Variants in VPS13C observed in about 807,000 individuals in gnomAD.
The protein encoded by VPS13C is vacuolar protein sorting 13 homolog C.
In VPS13C, 358 loss-of-function variants were observed where a neutral mutation model predicts 456.8. The ratio of observed to expected loss-of-function variants is 0.78; its 90% CI spans 0.72 to 0.86. The LOEUF (loss-of-function observed/expected upper bound fraction) is 0.86, where lower values mean the gene tolerates loss of function less well. Ranked by LOEUF, VPS13C falls within the 40% of genes least tolerant of loss-of-function variation. The pLI is 0.00. For missense variants in VPS13C, 4,818 were observed against 4,385.4 expected (o/e 1.10, Z -2.79); for synonymous variants, 1,578 against 1,486.7 (o/e 1.06, Z -1.41).
Position 61,971,907 on chromosome 15 carries a change from T to C in VPS13C, c.2757+718A>G, listed in dbSNP as rs145918415. Among the ~76,000 whole-genome samples, 358 of 152,330 alleles carry C rather than the reference T, an allele frequency of 2.4e-3. 2 individuals carry two copies. Among genetic ancestry groups the C allele is most frequent in the African/African-American group, 8.2e-3 (341 of 41,574 alleles). On this transcript the variant is annotated intron_variant, in intron 27 of 84. Transcript: ENST00000644861. ...TATATTTTAGGACATGCTCTCACTA[T>C]GGCACATGAAACAGTCAATAAGGAA... is the stretch of plus-strand genomic sequence containing the variant.
intron 63 of VPS13C, 147 bp downstream of exon 63, chr15:61,911,693 T>C: frequency 9.8e-6 from 8 of 815,842 alleles, no homozygotes; most frequent in Non-Finnish European, 1.4e-5. Context: ...TTTAAAAATA[T>C]AGTAAGAGAA....
At chr15:62,048,658 A>C (rs1376035085) in intron 1 of VPS13C, among the ~76,000 whole-genome samples, 1 of 152,108 alleles carries the variant, frequency 6.6e-6, no homozygotes, top group East Asian at 1.9e-4. Flanking sequence ...TTCTAGTTCT[A>C]GATCCCTGAG....
At chr15:61,878,906 A>G (rs1895658121) in intron 73 of VPS13C, among the ~76,000 whole-genome samples, 160 bp from the exon 74 acceptor site, 1 of 152,108 alleles carries the variant, frequency 6.6e-6, no homozygotes, top group Non-Finnish European at 1.5e-5. Context: ...CAACCCACTT[A>G]CATTTGATTC....
intron 1 of VPS13C, among the ~76,000 whole-genome samples, chr15:62,055,733 T>C (rs2048771682): frequency 6.6e-6 from 1 of 152,188 alleles, no homozygotes; most frequent in Admixed American, 6.5e-5. Context: ...GATATCAATT[T>C]CTCTCTCGAA....
chr15:61,865,776 A>C (rs1017019079), intron 81 of VPS13C: 2 of 731,524 alleles, frequency 2.7e-6, no homozygotes, highest in Non-Finnish European at 3.3e-6. Flanking sequence ...GTGTGTATAT[A>C]TGTATGTGTA....
intron 16 of VPS13C, among the ~76,000 whole-genome samples, chr15:61,998,749 T>C (rs1046741175): frequency 1.2e-4 from 19 of 152,266 alleles, no homozygotes; most frequent in Middle Eastern, 6.8e-3. Context: ...GAGATGACCC[T>C]TGAACAACAT....
At chr15:61,913,014 TA>T (rs2043349920) in intron 62 of VPS13C, among the ~76,000 whole-genome samples, 2 of 150,714 alleles carry the variant, frequency 1.3e-5, no homozygotes, top group South Asian at 4.3e-4. Flanking sequence ...TGGCGATCAT[TA>T]AAAAGTCAGG....
intron 49 of VPS13C, among the ~76,000 whole-genome samples, chr15:61,931,617 G>T (rs1179425834): frequency 7.0e-6 from 1 of 143,242 alleles, no homozygotes; most frequent in Non-Finnish European, 1.5e-5. Flanking sequence ...TCGCTCTGTC[G>T]CCCAGGCTGG....
intron 64 of VPS13C, among the ~76,000 whole-genome samples, chr15:61,909,787 A>C (rs2043249724): frequency 6.6e-6 from 1 of 152,136 alleles, no homozygotes. Context: ...AATCCAGTCT[A>C]TCATTGTTGC....
chr15:61,874,873 T>C lies in VPS13C; in HGVS notation c.10414+3A>G, dbSNP rs775252894. 6 of 1,588,688 alleles carry C rather than the reference T, an allele frequency of 3.8e-6. No homozygotes were observed. The highest frequency in any genetic ancestry group is 2.3e-5 in the East Asian group (1 of 43,908). On this transcript the variant is annotated splice_donor_region_variant and intron_variant, in intron 77 of 84. Transcript: ENST00000644861. ...CACATATACACAAATATGTGATACATACCTACTGTGTGTCCAAAGAGGCTT... is the reference window on the plus strand; with the variant it reads ...CACATATACACAAATATGTGATACACACCTACTGTGTGTCCAAAGAGGCTT...
In VPS13C at chr15:61,938,714, T is replaced by C. The variant is rs191311462; in HGVS notation, c.5601+1933A>G. On this transcript the variant is annotated intron_variant, in intron 47 of 84. Transcript: ENST00000644861. The stretch of plus-strand genomic sequence containing the variant: ...ATACTATAATCTTCCCCTGTGAATC[T>C]ACCACCTGGCTTTGTCAAATCTTAA... Among the ~76,000 whole-genome samples the C allele has an allele frequency of 1.6e-3, 238 of 152,336 alleles. 4 individuals are homozygous for C. The highest frequency in any genetic ancestry group is 0.014 in the South Asian group (67 of 4,828).
In VPS13C at chr15:61,927,117, C is replaced by G; in HGVS notation, c.6490G>C (p.Glu2164Gln). The change falls in exon 52 of 85, where the codon GAA becomes CAA. Residue 2164 changes from glutamate (E) to glutamine (Q), a missense_variant. Glu to Gln is a conservative substitution (Grantham distance 29, BLOSUM62 2). Coordinates refer to ENST00000644861, the MANE Select transcript of VPS13C (RefSeq NM_020821.3). ...GTGGTAATGTTTTTCCCTCTCTTTT[C>G]TCTGAGAAAAGGGCAAGCGAGCACT... Reference protein sequence around the residue: ...LKVLACPFLREKRGKNITTVL... With the variant: ...LKVLACPFLRQKRGKNITTVL... 6.2e-7 allele frequency: 1 copy of G among 1,614,156 alleles called. No individual in the cohort carries two copies. Among genetic ancestry groups the G allele is most frequent in the Non-Finnish European group, 8.5e-7 (1 of 1,180,014 alleles).
rs200533754 is a variant in VPS13C at position 61,951,926 on chromosome 15, G to C, written c.4354C>G (p.Leu1452Val). The change falls in exon 39 of 85, where the codon CTA becomes GTA. Residue 1452 changes from leucine to valine, a missense_variant. Transcript: ENST00000644861. ...SEKKGRPLHELNVLQLGMEAK... is the reference protein window; with the variant it reads ...SEKKGRPLHEVNVLQLGMEAK... ...TCCATTCCAAGTTGCAGGACATTTA[G>C]CTCATGTAAAGGCCTTCCTTTCTTT... The C allele has an allele frequency of 1.2e-6, 2 of 1,613,512 alleles. No individual in the cohort carries two copies. Among genetic ancestry groups the C allele is most frequent in the African/African-American group, 2.7e-5 (2 of 74,864 alleles).
chr15:61,896,351 C>A (rs995424823), intron 66 of VPS13C, among the ~76,000 whole-genome samples: 1 of 152,184 alleles, frequency 6.6e-6, no homozygotes, highest in African/African-American at 2.4e-5. Flanking sequence ...AGGTTCATCT[C>A]ACTAGGGAGT....
At position 61,856,687 on chromosome 15, in the gene VPS13C, CTTTTTTT is replaced by C. The variant is rs542779595; in HGVS notation, c.10953-285_10953-279del. The C allele has an allele frequency of 1.2e-3, 142 of 114,728 alleles. No homozygotes were observed. The East Asian group carries it at 0.014, about 12-fold the overall frequency. The allele number at this position is 114,728 out of a possible 1,614,324, so 7.1% of individuals were successfully genotyped here. A position where few individuals can be genotyped will look rare whatever the true frequency, so the allele number is the denominator to read the frequency against. ...GTAACTTTTTTTTCTTTTTTCTTTT[CTTTTTTT>C]TTTTTTTTTTTTTTTGGTTAACTGA... On this transcript the variant is annotated intron_variant, in intron 82 of 84. Transcript: ENST00000644861.
In VPS13C at chr15:61,976,540, T is replaced by G. The variant is rs546651720; in HGVS notation, c.2408+542A>C. Among the ~76,000 whole-genome samples the G allele has an allele frequency of 1.4e-4, 22 of 152,122 alleles. No homozygotes were observed. The South Asian group carries it at 4.6e-3, about 32-fold the overall frequency. ...GAATACAAAGGGGGAACAAGGACAC[T>G]TTTGGAGATGGTGTGTTCATTGTCT... On this transcript the variant is annotated intron_variant, in intron 24 of 84. Coordinates refer to ENST00000644861, the MANE Select transcript of VPS13C (RefSeq NM_020821.3).
Position 62,028,427 on chromosome 15 carries a change from C to T in VPS13C, c.386-7G>A, listed in dbSNP as rs1230345937. 1 of 1,612,566 alleles carries T rather than the reference C, an allele frequency of 6.2e-7. No individual in the cohort carries two copies. The highest frequency in any genetic ancestry group is 8.5e-7 in the Non-Finnish European group (1 of 1,179,090). The stretch of plus-strand genomic sequence containing the variant: ...AACTCCCCTGAATGTGTGCCTGCAT[C>T]CCACATGGCAGCAATAACCAAAATG... On this transcript the variant is annotated splice_region_variant and splice_polypyrimidine_tract_variant and intron_variant, in intron 5 of 84. Transcript: ENST00000644861.
At chr15:61,873,813 C>T (rs1412847956) in intron 77 of VPS13C, among the ~76,000 whole-genome samples, 4 of 152,034 alleles carry the variant, frequency 2.6e-5, no homozygotes, top group Admixed American at 1.3e-4. Context: ...AGCAATCCAA[C>T]TACTGGGTAT....
intron 45 of VPS13C, among the ~76,000 whole-genome samples, chr15:61,945,074 A>G (rs530169667): frequency 9.9e-5 from 15 of 152,262 alleles, no homozygotes; most frequent in Non-Finnish European, 2.1e-4. Flanking sequence ...ATGGTTTTAT[A>G]AGAGGCTCTT....
Sources: gnomAD v4.1 joint callset for allele counts (sites outside exome capture counted in the v4.1 genomes callset) on GRCh38, gnomAD v4.1.1 for gene constraint, MANE v1.5 for transcripts, NCBI Gene and HGNC (gene_info 2026-07-23, HGNC 2026-07-21) for gene names.